Variants in UACA observed in about 807,000 individuals in gnomAD.
UACA encodes nuclear membrane binding protein.
A neutral mutation model predicts 160.5 loss-of-function variants in UACA; 112 were observed. The observed-to-expected ratio is 0.70, with a 90% CI of 0.60 to 0.82. The LOEUF is 0.82. UACA is among the 40% of genes least tolerant of loss of function. The pLI is 0.00. For missense variants in UACA, 1,574 were observed against 1,614.6 expected, an observed-to-expected ratio of 0.97 and a Z score of 0.43; for synonymous variants, 557 against 568.4, an observed-to-expected ratio of 0.98 and a Z score of 0.29.
chr15:70,682,830 G>T, intron 8 of UACA, 35 bp from the exon 9 acceptor site: 1 of 1,520,040 alleles, frequency 6.6e-7, no homozygotes, highest in East Asian at 2.4e-5. Flanking sequence ...CAACAAAATG[G>T]CAGGTTAACT....
Position 70,676,548 on chromosome 15 carries a change from T to C in UACA, c.1076A>G (p.His359Arg), listed in dbSNP as rs771828314. ...KSLLAAKEKQ[H>R]EESLRTIEAL... ...CTCAATAGTCCTTAAGCTTTCTTCA[T>C]GTTGCTTTTCTTTAGCTGCCAAAAG... The change falls in exon 13 of 19, where the codon CAT becomes CGT. Residue 359 changes from histidine to arginine, a missense_variant. Physicochemically the swap from His to Arg is conservative, Grantham distance 29. Coordinates refer to ENST00000322954, the MANE Select transcript of UACA (RefSeq NM_018003.4). 1.2e-6 allele frequency: 2 copies of C among 1,612,892 alleles called. No homozygotes were observed. Among genetic ancestry groups the C allele is most frequent in the Non-Finnish European group, 1.7e-6 (2 of 1,179,722 alleles).
Position 70,684,330 on chromosome 15 carries a change from G to T in UACA, c.719C>A (p.Ala240Glu). ...AATGTCCAGATTGTCACCAATTCTT[G>T]CATAGTAAGAACTATCATGGCCAAG... is the stretch of plus-strand genomic sequence containing the variant. ...DALGHDSSYY[A>E]RIGDNLDILT... Residue 240 changes from alanine (A) to glutamate (E), a missense_variant, in exon 8 of 19, where the codon GCA becomes GAA. By Grantham distance (107) the Ala-to-Glu change is moderately radical. Coordinates refer to ENST00000322954, the MANE Select transcript of UACA (RefSeq NM_018003.4). 1.9e-6 allele frequency: 3 copies of T among 1,613,638 alleles called. No individual in the cohort carries two copies. The highest frequency in any genetic ancestry group is 2.5e-6 in the Non-Finnish European group (3 of 1,179,744).
Position 70,660,133 on chromosome 15 carries a change from G to A in UACA, c.4179+18C>T. 1.3e-6 allele frequency: 2 copies of A among 1,592,666 alleles called. No individual in the cohort carries two copies. Among genetic ancestry groups the A allele is most frequent in the East Asian group, 2.2e-5 (1 of 44,490 alleles). On this transcript the variant is annotated intron_variant, in intron 18 of 18. Coordinates refer to ENST00000322954, the MANE Select transcript of UACA (RefSeq NM_018003.4). ...TCTCTAAAGCAATATTCTTTCCAAAGGAGAAGTAGTTCTTTACCTGTGCAG... is the reference window on the plus strand; with the variant it reads ...TCTCTAAAGCAATATTCTTTCCAAAAGAGAAGTAGTTCTTTACCTGTGCAG...
intron 11 of UACA, 55 bp from the exon 12 acceptor site, chr15:70,677,195 G>A: frequency 7.5e-7 from 1 of 1,333,114 alleles, no homozygotes. Context: ...ATTTTAAAAG[G>A]CATGAACTTG....
At chr15:70,705,914 T>A (rs955039024) in intron 1 of UACA, among the ~76,000 whole-genome samples, 5 of 152,210 alleles carry the variant, frequency 3.3e-5, no homozygotes, top group African/African-American at 1.2e-4. Context: ...GATGTGATAA[T>A]CTTATAATTA....
At chr15:70,755,563 G>C (rs574833320) in intron 1 of UACA, among the ~76,000 whole-genome samples, 2 of 151,868 alleles carry the variant, frequency 1.3e-5, no homozygotes, top group Non-Finnish European at 2.9e-5. Context: ...CCAGCTACTC[G>C]GGAGGCTGAG....
chr15:70,664,694 G>A lies in UACA; in HGVS notation c.4081C>T (p.His1361Tyr), dbSNP rs1896840358. ...RQSQLIDTLQ[H>Y]QVKSLEQQLA... is the part of the protein sequence containing the mutation. ...TGTTGCTCCAGAGATTTCACTTGGT[G>A]CTGCAGAGTGTCAATCAGCTGGCTC... The change falls in exon 17 of 19, where the codon CAC (histidine) becomes TAC (tyrosine). Residue 1361 changes from histidine to tyrosine, a missense_variant. Coordinates refer to ENST00000322954, the MANE Select transcript of UACA (RefSeq NM_018003.4). 6.2e-7 allele frequency: 1 copy of A among 1,613,420 alleles called. No individual in the cohort carries two copies. The highest frequency in any genetic ancestry group is 8.5e-7 in the Non-Finnish European group (1 of 1,179,722).
At position 70,678,110 on chromosome 15, in the gene UACA, G is replaced by A. The variant is rs758317449; in HGVS notation, c.988C>T (p.Gln330Ter). ...LLDKVNGLQL[Q>*]LNEEVMVADD... Reference sequence around the variant, plus strand: ...GCAGATTTATTTACCTCATTCAGCTGTAACTGTAAACCATTGACTTTATCC... The same window carrying A: ...GCAGATTTATTTACCTCATTCAGCTATAACTGTAAACCATTGACTTTATCC... Residue 330 changes from glutamine to a stop codon, truncating the protein, a stop_gained, in exon 11 of 19, where the codon CAG (glutamine) becomes TAG (stop). Transcript: ENST00000322954. LOFTEE classifies it high-confidence loss of function. 9.4e-6 allele frequency: 15 copies of A among 1,597,328 alleles called. No individual in the cohort carries two copies. The highest frequency in any genetic ancestry group is 1.3e-5 in the Non-Finnish European group (15 of 1,173,866).
At chr15:70,665,119 T>A (rs1442628838) in intron 16 of UACA, among the ~76,000 whole-genome samples, 2 of 152,178 alleles carry the variant, frequency 1.3e-5, no homozygotes, top group Non-Finnish European at 2.9e-5. Context: ...CGAAGGCACA[T>A]GAACTATCTT....
chr15:70,763,817 A>T (rs568707260), upstream of UACA, among the ~76,000 whole-genome samples: 2 of 152,328 alleles, frequency 1.3e-5, no homozygotes, highest in African/African-American at 4.8e-5. Context: ...GGAGCTTAAG[A>T]TCTAGAGAGA....
intron 1 of UACA, among the ~76,000 whole-genome samples, chr15:70,744,615 GA>G (rs1331672218): frequency 6.6e-6 from 1 of 152,224 alleles, no homozygotes; most frequent in African/African-American, 2.4e-5. Flanking sequence ...CAGTCTGCAA[GA>G]GGGCTGGATA....
intron 1 of UACA, among the ~76,000 whole-genome samples, chr15:70,741,070 G>A (rs574715862): frequency 6.6e-6 from 1 of 151,976 alleles, no homozygotes; most frequent in Admixed American, 6.6e-5. Flanking sequence ...AAATAAAAAG[G>A]GGGGGCTGGG....
intron 9 of UACA, among the ~76,000 whole-genome samples, chr15:70,682,239 A>C (rs1897534953): frequency 1.3e-5 from 2 of 152,244 alleles, no homozygotes; most frequent in Admixed American, 1.3e-4. Flanking sequence ...TATTCCGTAA[A>C]GTCCTCAATT....
intron 1 of UACA, among the ~76,000 whole-genome samples, chr15:70,741,720 G>C (rs373576986): frequency 3.7e-4 from 57 of 152,270 alleles, no homozygotes; most frequent in African/African-American, 1.3e-3. Context: ...TAAAACGTTA[G>C]TTTTAATAAG....
chr15:70,766,410 A>G (rs1204300726), upstream of UACA, among the ~76,000 whole-genome samples: 1 of 151,432 alleles, frequency 6.6e-6, no homozygotes, highest in Non-Finnish European at 1.5e-5. Flanking sequence ...TTGTTATCAC[A>G]CTGAGCCTAT....
At position 70,687,736 on chromosome 15, in the gene UACA, ATAAAC is replaced by A; in HGVS notation, c.495+9_495+13del. On this transcript the variant is annotated intron_variant, in intron 6 of 18. Coordinates refer to ENST00000322954, the MANE Select transcript of UACA (RefSeq NM_018003.4). ...TGCATGAGTTGAAATGAGAATAAACATAAACTAACTTACTACATCTTTGGCATTCA... is the reference window on the plus strand; with the variant it reads ...TGCATGAGTTGAAATGAGAATAAACATAACTTACTACATCTTTGGCATTCA... 1 of 1,613,724 alleles carries A rather than the reference ATAAAC, an allele frequency of 6.2e-7. No homozygotes were observed.
intron 18 of UACA, among the ~76,000 whole-genome samples, chr15:70,657,804 G>A (rs1461547810): frequency 6.6e-6 from 1 of 151,954 alleles, no homozygotes; most frequent in African/African-American, 2.4e-5. Context: ...ACTGATGGCT[G>A]AACATGGTGG....
chr15:70,659,395 G>GTTTTTTGTT (rs1896607591), intron 18 of UACA, among the ~76,000 whole-genome samples: 1 of 18,818 alleles, frequency 5.3e-5, no homozygotes, highest in Admixed American at 1.1e-3. Context: ...TTTTTTGTTT[G>GTTTTTTGTT]TTTTTTTTTT....
At chr15:70,740,365 G>C (rs1363981820) in intron 1 of UACA, among the ~76,000 whole-genome samples, 1 of 151,668 alleles carries the variant, frequency 6.6e-6, no homozygotes, top group Non-Finnish European at 1.5e-5. Context: ...TGTAATCCCA[G>C]AACTTTGGGA....
Sources: gnomAD v4.1 joint callset for allele counts (sites outside exome capture counted in the v4.1 genomes callset) on GRCh38, gnomAD v4.1.1 for gene constraint, MANE v1.5 for transcripts, NCBI Gene and HGNC (gene_info 2026-07-23, HGNC 2026-07-21) for gene names.